Variants in ZNF532 observed in about 807,000 individuals in gnomAD.
ZNF532 encodes the protein zinc finger protein 532.
In ZNF532, 22 loss-of-function variants were observed where a neutral mutation model predicts 89.3. The observed-to-expected ratio is 0.25, with a 90% confidence interval of 0.18 to 0.35. The LOEUF is 0.35. ZNF532 is among the 10% of genes least tolerant of loss of function. ZNF532 has a pLI of 1.00. For missense variants in ZNF532, 1,132 were observed against 1,643.4 expected (o/e 0.69, Z 5.38); for synonymous variants, 606 against 649.6 (o/e 0.93, Z 1.02).
intron 2 of ZNF532, among the ~76,000 whole-genome samples, chr18:58,895,983 C>G (rs1279419740): frequency 6.6e-6 from 1 of 151,906 alleles, no homozygotes; most frequent in African/African-American, 2.4e-5. Flanking sequence ...TCCCAAGTAG[C>G]TGAGACCACA....
intron 2 of ZNF532, among the ~76,000 whole-genome samples, chr18:58,871,632 C>T (rs2056990879): frequency 6.6e-6 from 1 of 152,208 alleles, no homozygotes; most frequent in Admixed American, 6.5e-5. Context: ...ACAGCAGGTG[C>T]TAAACAGCAA....
At chr18:58,925,211 G>A (rs555843623) in intron 3 of ZNF532, among the ~76,000 whole-genome samples, 13 of 152,138 alleles carry the variant, frequency 8.5e-5, no homozygotes, top group Non-Finnish European at 1.5e-4. Context: ...CAGAGTGGCT[G>A]TATCATTCTA....
intron 7 of ZNF532, chr18:58,954,014 A>C: frequency 1.0e-6 from 1 of 985,290 alleles, no homozygotes; most frequent in Non-Finnish European, 1.2e-6. Context: ...CTTCACATGC[A>C]CTCCTCCAGA....
chr18:58,876,457 T>G (rs891689263), intron 2 of ZNF532, among the ~76,000 whole-genome samples: 9 of 152,172 alleles, frequency 5.9e-5, no homozygotes, highest in African/African-American at 2.2e-4. Context: ...CCACAGGGAC[T>G]TACCCTCTAG....
intron 7 of ZNF532, among the ~76,000 whole-genome samples, chr18:58,975,098 A>G (rs2066892990): frequency 1.3e-5 from 2 of 152,206 alleles, no homozygotes; most frequent in Admixed American, 1.3e-4. Flanking sequence ...GGAAGGGGTC[A>G]GAGCTTTAGG....
chr18:58,949,463 C>T (rs937911174), intron 6 of ZNF532, among the ~76,000 whole-genome samples: 2 of 152,100 alleles, frequency 1.3e-5, no homozygotes, highest in Non-Finnish European at 2.9e-5. Flanking sequence ...CTTTGGGAGG[C>T]CAAGGTAGGC....
intron 5 of ZNF532, among the ~76,000 whole-genome samples, chr18:58,946,910 G>C (rs1051773931): frequency 3.9e-5 from 6 of 152,092 alleles, no homozygotes; most frequent in African/African-American, 1.4e-4. Context: ...TGCACAGTGA[G>C]GTTTGAAGCT....
At chr18:58,867,663 T>G (rs912059586) in intron 2 of ZNF532, among the ~76,000 whole-genome samples, 2 of 152,252 alleles carry the variant, frequency 1.3e-5, no homozygotes, top group African/African-American at 4.8e-5. Flanking sequence ...TGTAGCAGGC[T>G]CTAAAGACGA....
At chr18:58,914,163 A>T (rs1432575888) in intron 2 of ZNF532, among the ~76,000 whole-genome samples, 1 of 152,232 alleles carries the variant, frequency 6.6e-6, no homozygotes, top group East Asian at 1.9e-4. Context: ...ATAGCTTTTC[A>T]TAATTCTCAG....
At chr18:58,946,779 T>G (rs188131658) in intron 5 of ZNF532, among the ~76,000 whole-genome samples, 10 of 152,280 alleles carry the variant, frequency 6.6e-5, no homozygotes, top group African/African-American at 2.4e-4. Flanking sequence ...AGGGTACTTG[T>G]GCTCTGCAGT....
intron 5 of ZNF532, among the ~76,000 whole-genome samples, chr18:58,947,232 C>T (rs180893301): frequency 1.3e-5 from 2 of 152,114 alleles, no homozygotes; most frequent in Non-Finnish European, 2.9e-5. Context: ...CTCAAATGAC[C>T]GAACACACAT....
At chr18:58,979,272 C>T (rs2147659521) in intron 8 of ZNF532, 105 bp downstream of exon 8, 1 of 681,364 alleles carries the variant, frequency 1.5e-6, no homozygotes, top group East Asian at 2.7e-5. Context: ...ACAGTTCCTA[C>T]ATTACATTTC....
rs145511419 is a variant in ZNF532 at position 58,913,548 on chromosome 18, C to T, written c.-17-4723C>T. Among the ~76,000 whole-genome samples, 804 of 151,334 alleles carry T rather than the reference C, an allele frequency of 5.3e-3. 7 individuals are homozygous for T. The highest frequency in any genetic ancestry group is 0.018 in the African/African-American group (725 of 41,192). Reference sequence around the variant, plus strand: ...GGAGGATTGTTTGAGCTCAGGAGTTCGAGACCAGCTTGGACAACATAGTGA... The same window carrying T: ...GGAGGATTGTTTGAGCTCAGGAGTTTGAGACCAGCTTGGACAACATAGTGA... On this transcript the variant is annotated intron_variant, in intron 2 of 9. Coordinates refer to ENST00000591808, the MANE Select transcript of ZNF532 (RefSeq NM_001375912.1).
chr18:58,902,426 A>C (rs2059662383), intron 2 of ZNF532, among the ~76,000 whole-genome samples: 1 of 150,578 alleles, frequency 6.6e-6, no homozygotes, highest in South Asian at 2.1e-4. Flanking sequence ...TGGCGTGATC[A>C]TTTTGCTGCC....
At chr18:58,888,769 T>TATAAAA (rs2058561384) in intron 2 of ZNF532, among the ~76,000 whole-genome samples, 2 of 65,866 alleles carry the variant, frequency 3.0e-5, no homozygotes, top group African/African-American at 1.7e-4. Context: ...TTAATATATA[T>TATAAAA]AATTTATATA....
chr18:58,882,975 T>C (rs1047268120), intron 2 of ZNF532, among the ~76,000 whole-genome samples: 3 of 152,198 alleles, frequency 2.0e-5, no homozygotes, highest in Non-Finnish European at 2.9e-5. Flanking sequence ...ATTCCTAGAC[T>C]GTAGAACCCC....
At chr18:58,873,207 A>G (rs776242374) in intron 2 of ZNF532, among the ~76,000 whole-genome samples, 32 of 151,994 alleles carry the variant, frequency 2.1e-4, no homozygotes, top group Non-Finnish European at 3.4e-4. Context: ...TTTTTTGTAG[A>G]GAAGGGATCT....
In ZNF532 at chr18:58,923,731, A is replaced by G. The variant is rs1050602501; in HGVS notation, c.2346+3098A>G. On this transcript the variant is annotated intron_variant, in intron 3 of 9. Coordinates refer to ENST00000591808, the MANE Select transcript of ZNF532 (RefSeq NM_001375912.1). ...CTGGAATGGGAAAAAATTACACAGA[A>G]CTTGGTTTCTGTCTGAGGATGGCAC... Among the ~76,000 whole-genome samples the G allele has an allele frequency of 8.5e-5, 13 of 152,258 alleles. No individual in the cohort carries two copies. In the East Asian group the frequency reaches 2.5e-3, roughly 29 times the overall value.
chr18:58,972,587 A>G (rs2066584629), intron 7 of ZNF532, among the ~76,000 whole-genome samples: 1 of 151,940 alleles, frequency 6.6e-6, no homozygotes, highest in Non-Finnish European at 1.5e-5. Context: ...CCCACCCCTG[A>G]CTTTAATAAG....
Sources: gnomAD v4.1 joint callset for allele counts (sites outside exome capture counted in the v4.1 genomes callset) on GRCh38, gnomAD v4.1.1 for gene constraint, MANE v1.5 for transcripts, NCBI Gene and HGNC (gene_info 2026-07-23, HGNC 2026-07-21) for gene names.